The following GPR107 variants were observed in gnomAD, a reference collection of about 807,000 sequenced individuals.
The protein encoded by GPR107 is protein GPR107.
A neutral mutation model predicts 75.5 loss-of-function variants in GPR107; 31 were observed. The observed-to-expected ratio is 0.41, with a 90% CI of 0.31 to 0.55. GPR107 has a LOEUF of 0.55. Ranked by LOEUF, GPR107 falls within the 20% of genes least tolerant of loss-of-function variation. GPR107 has a pLI of 0.26. For missense variants in GPR107, 572 were observed against 665.7 expected (o/e 0.86, Z 1.55); for synonymous variants, 267 against 251.3 (o/e 1.06, Z -0.59).
intron 13 of GPR107, among the ~76,000 whole-genome samples, chr9:130,107,017 G>A (rs1265953876): frequency 2.0e-5 from 3 of 152,142 alleles, no homozygotes; most frequent in Admixed American, 2.0e-4. Flanking sequence ...CTGGAGGCTG[G>A]CATTTTTCAG....
intron 7 of GPR107, among the ~76,000 whole-genome samples, chr9:130,088,944 G>C (rs1190135269): frequency 6.6e-6 from 1 of 152,056 alleles, no homozygotes; most frequent in East Asian, 1.9e-4. Flanking sequence ...ACAAGGTTAG[G>C]AGTTTGAGAC....
intron 14 of GPR107, among the ~76,000 whole-genome samples, chr9:130,119,029 C>T (rs559352629): frequency 1.3e-5 from 2 of 152,316 alleles, no homozygotes; most frequent in East Asian, 1.9e-4. Flanking sequence ...GGTGAGCCTT[C>T]GCTCCCACAG....
At chr9:130,091,350 C>T (rs897442841) in intron 8 of GPR107, among the ~76,000 whole-genome samples, 9 of 151,934 alleles carry the variant, frequency 5.9e-5, no homozygotes, top group African/African-American at 2.2e-4. Flanking sequence ...ATTAGCCAGG[C>T]GTGGTGGTAC....
At chr9:130,092,747 C>G (rs1340003044) in intron 9 of GPR107, among the ~76,000 whole-genome samples, 1 of 152,046 alleles carries the variant, frequency 6.6e-6, no homozygotes, top group African/African-American at 2.4e-5. Flanking sequence ...TCCCAAGTAG[C>G]TGGGACTACA....
rs936363166 is a variant in GPR107 at position 130,103,796 on chromosome 9, G to A, written c.1132-624G>A. On this transcript the variant is annotated intron_variant, in intron 12 of 17. Transcript: ENST00000347136. This position sits in a 1 kb window ranked among gnomAD's most constrained non-coding sequence, Gnocchi z 4.3. ...GTTTGGGGTACCTGAAAAGCAAAGT[G>A]TCCCTGTTATCTACTGCTGCATAAC... 1.3e-5 allele frequency among the ~76,000 whole-genome samples: 2 copies of A among 152,208 alleles called. No individual in the cohort carries two copies. Among genetic ancestry groups the A allele is most frequent in the African/African-American group, 4.8e-5 (2 of 41,444 alleles).
intron 1 of GPR107, among the ~76,000 whole-genome samples, chr9:130,073,944 G>T (rs7850139): frequency 0.041 from 6,243 of 152,146 alleles, 429 homozygotes; most frequent in African/African-American, 0.14. Flanking sequence ...TTTTAGTAGA[G>T]ACAGGGTTTC....
At position 130,107,551 on chromosome 9, in the gene GPR107, C is replaced by A; in HGVS notation, c.1306+12C>A. 6.4e-7 allele frequency: 1 copy of A among 1,563,834 alleles called. No homozygotes were observed. Among genetic ancestry groups the A allele is most frequent in the Non-Finnish European group, 8.8e-7 (1 of 1,134,074 alleles). ...AACAGATGGAAAAGGCAAGTTCTCTCGTGCTCATTTTGTGTTGCTCAGCTT... is the reference window on the plus strand; with the variant it reads ...AACAGATGGAAAAGGCAAGTTCTCTAGTGCTCATTTTGTGTTGCTCAGCTT... On this transcript the variant is annotated intron_variant, in intron 14 of 17. Coordinates refer to ENST00000347136, the MANE Select transcript of GPR107 (RefSeq NM_020960.5).
intron 1 of GPR107, among the ~76,000 whole-genome samples, chr9:130,058,246 A>G (rs1382674307): frequency 6.6e-6 from 1 of 152,204 alleles, no homozygotes; most frequent in African/African-American, 2.4e-5. Flanking sequence ...TTTTAACTGT[A>G]TAATGCAATG....
chr9:130,132,797 TA>T (rs1197993013), intron 17 of GPR107, among the ~76,000 whole-genome samples: 3,859 of 134,226 alleles, frequency 0.029, 61 homozygotes, highest in African/African-American at 0.05. Flanking sequence ...AAAAATCAAA[TA>T]AAAAAAAAAT....
intron 12 of GPR107, 133 bp from the exon 13 acceptor site, chr9:130,104,287 C>T (rs918424177): frequency 4.3e-6 from 3 of 698,876 alleles, no homozygotes; most frequent in Admixed American, 4.8e-5. Context: ...TGGAAGAGCA[C>T]GTGGGACTGG....
chr9:130,056,995 G>A (rs1414964626), intron 1 of GPR107, among the ~76,000 whole-genome samples: 2 of 149,158 alleles, frequency 1.3e-5, no homozygotes, highest in South Asian at 4.2e-4. Flanking sequence ...AAGCCATCCT[G>A]GGCCGCATGC....
chr9:130,110,248 G>T, intron 14 of GPR107: 1 of 671,948 alleles, frequency 1.5e-6, no homozygotes. Flanking sequence ...TGGCACAGCA[G>T]GTGAGGCAGC....
At chr9:130,088,743 C>T (rs748210653) in intron 7 of GPR107, among the ~76,000 whole-genome samples, 46 of 152,308 alleles carry the variant, frequency 3.0e-4, no homozygotes, top group Admixed American at 9.1e-4. Context: ...GGATTCAGAT[C>T]CACGTTTGTT....
intron 5 of GPR107, among the ~76,000 whole-genome samples, chr9:130,082,604 C>T (rs780949819): frequency 2.0e-5 from 3 of 151,548 alleles, no homozygotes; most frequent in Non-Finnish European, 2.9e-5. Context: ...CTCAGCCTCC[C>T]GAGTAACTGG....
At chr9:130,127,662 G>GGTC in intron 16 of GPR107, 96 bp downstream of exon 16, 1 of 686,976 alleles carries the variant, frequency 1.5e-6, no homozygotes, top group Non-Finnish European at 2.6e-6. Context: ...ATCTGGGAAT[G>GGTC]ACCACTAAGA....
rs537809912 is a variant in GPR107, at chr9:130,138,883, C to T, written c.*3762C>T. 6.6e-6 allele frequency: 1 copy of T among 152,318 alleles called. No homozygotes were observed. Among genetic ancestry groups the T allele is most frequent in the Admixed American group, 6.5e-5 (1 of 15,304 alleles). The allele number at this position is 152,318 out of a possible 1,614,324, so 9.4% of individuals were successfully genotyped here. A position where few individuals can be genotyped will look rare whatever the true frequency, so the allele number is the denominator to read the frequency against. Reference sequence around the variant, plus strand: ...TGTTGGAATTGCAGATGCATTCTGGCCTTCTCCCCCGTCCTGAAACATTTT... The same window carrying T: ...TGTTGGAATTGCAGATGCATTCTGGTCTTCTCCCCCGTCCTGAAACATTTT... On this transcript the variant is annotated 3_prime_UTR_variant, in exon 18 of 18. Transcript: ENST00000347136.
chr9:130,066,816 T>C (rs1043733119), intron 1 of GPR107, among the ~76,000 whole-genome samples: 4 of 152,088 alleles, frequency 2.6e-5, no homozygotes, highest in African/African-American at 4.8e-5. Context: ...AAACCCCGTC[T>C]CTACTAAAAA....
chr9:130,057,875 G>C (rs2132528898), intron 1 of GPR107, among the ~76,000 whole-genome samples: 1 of 149,356 alleles, frequency 6.7e-6, no homozygotes, highest in East Asian at 2.0e-4. Context: ...CTGGCACCCA[G>C]GCTGGAAAGC....
At position 130,137,053 on chromosome 9, in the gene GPR107, A is replaced by G. The variant is rs1554900070; in HGVS notation, c.*1932A>G. 6.6e-6 allele frequency: 1 copy of G among 152,196 alleles called. No individual in the cohort carries two copies. The highest frequency in any genetic ancestry group is 1.5e-5 in the Non-Finnish European group (1 of 68,048). The allele number at this position is 152,196 out of a possible 1,614,324, so 9.4% of individuals were successfully genotyped here. On this transcript the variant is annotated 3_prime_UTR_variant, in exon 18 of 18. Transcript: ENST00000347136. ...CCAGTTTTCGCAGAAATGTGTCTCA[A>G]TCTGTGACTACCAAAGCCCTCCTCA... is the stretch of plus-strand genomic sequence containing the variant.
Sources: allele counts gnomAD v4.1 joint callset (sites outside exome capture counted in the v4.1 genomes callset), GRCh38; gene constraint gnomAD v4.1.1; non-coding constraint Gnocchi (gnomAD v3.1); transcripts MANE v1.5; gene names NCBI Gene and HGNC (gene_info 2026-07-23, HGNC 2026-07-21).